PCGF3: variants seen among roughly 807,000 people sequenced by gnomAD.
PCGF3 encodes polycomb group RING finger protein 3.
In PCGF3, 7 loss-of-function variants were observed where a neutral mutation model predicts 33.1. The observed-to-expected ratio is 0.21, with a 90% CI of 0.12 to 0.40. PCGF3 has a LOEUF of 0.40. Ranked by LOEUF, PCGF3 falls within the 10% of genes least tolerant of loss-of-function variation. PCGF3 has a pLI of 1.00. For synonymous variants in PCGF3, 153 were observed against 121.3 expected, an observed-to-expected ratio of 1.26 and a Z score of -1.72; for missense variants, 211 against 313.3, an observed-to-expected ratio of 0.67 and a Z score of 2.46.
rs145662977 is a variant in PCGF3 at position 756,912 on chromosome 4, A to AT, written c.463-4365dup. The AT allele has an allele frequency of 2.2e-3, 330 of 152,362 alleles. 1 individual carries two copies. The highest frequency in any genetic ancestry group is 7.3e-3 in the African/African-American group (302 of 41,568). The allele number at this position is 152,362 out of a possible 1,614,324, so 9.4% of individuals were successfully genotyped here. On this transcript the variant is annotated intron_variant, in intron 8 of 10. Coordinates refer to ENST00000362003, the Ensembl canonical transcript of PCGF3. ...CTGTGAATTTACGGAAAATTATTGC[A>AT]TTATATACATAAAAGAGGTGTGTGT...
chr4:748,420 G>A (rs552289966), intron 8 of PCGF3, among the ~76,000 whole-genome samples: 6 of 152,204 alleles, frequency 3.9e-5, no homozygotes, highest in Admixed American at 2.0e-4. Context: ...GGCTGGTCTC[G>A]AACTTCTGGC....
chr4:709,861 C>T (rs1039481406), intron 1 of PCGF3, among the ~76,000 whole-genome samples: 8 of 152,240 alleles, frequency 5.3e-5, no homozygotes, highest in South Asian at 2.1e-4. Context: ...AGCTCTTACT[C>T]GCCCAGTGTA....
chr4:769,269 C>G (rs1745515900), exon 11 of PCGF3: 1 of 152,724 alleles, frequency 6.5e-6, no homozygotes, highest in African/African-American at 2.4e-5. Context: ...TGCTTGTTTT[C>G]TCTGAACAGC....
rs868639655 is a variant in PCGF3, at chr4:766,308, G to A, written c.*229G>A. On this transcript the variant is annotated 3_prime_UTR_variant, in exon 11 of 11. Coordinates refer to ENST00000362003, the Ensembl canonical transcript of PCGF3. Reference sequence around the variant, plus strand: ...CCCAGAGCCGATCGTCCTCTCCCCCGCCCCACCCCGTGCTTCAGCCTTGCA... The same window carrying A: ...CCCAGAGCCGATCGTCCTCTCCCCCACCCCACCCCGTGCTTCAGCCTTGCA... The A allele has an allele frequency of 3.3e-4, 158 of 479,672 alleles. 3 individuals are homozygous for A. Among genetic ancestry groups the A allele is most frequent in the South Asian group, 1.8e-3 (68 of 37,766 alleles). 29.7% of individuals were successfully genotyped at this position (479,672 alleles called of 1,614,324 possible).
intron 8 of PCGF3, among the ~76,000 whole-genome samples, chr4:751,938 C>T (rs903705406): frequency 1.1e-4 from 16 of 152,276 alleles, no homozygotes; most frequent in African/African-American, 3.9e-4. Context: ...AGGCACAGGC[C>T]TCCTGGGACT....
chr4:715,020 A>T (rs1168838624), intron 1 of PCGF3, among the ~76,000 whole-genome samples: 31 of 144,832 alleles, frequency 2.1e-4, no homozygotes, highest in South Asian at 6.7e-4. Context: ...GTAGACACTG[A>T]GTGTGAGAAC....
At chr4:742,413 C>T (rs915732605) in intron 6 of PCGF3, among the ~76,000 whole-genome samples, 96 of 152,332 alleles carry the variant, frequency 6.3e-4, no homozygotes, top group Non-Finnish European at 1.1e-3. Flanking sequence ...GGGAGGAAAT[C>T]GTGGATAAAA....
chr4:762,941 TGGGGTGG>T (rs1381494273), intron 9 of PCGF3: 11 of 151,644 alleles, frequency 7.3e-5, no homozygotes, highest in Admixed American at 7.2e-4. Context: ...CTGCTCGGTT[TGGGGTGG>T]GGGGTGGTGT....
chr4:723,054 T>C (rs1391016240), intron 1 of PCGF3, among the ~76,000 whole-genome samples: 2 of 124,384 alleles, frequency 1.6e-5, no homozygotes, highest in South Asian at 2.7e-4. Context: ...GTCATCGCCA[T>C]CCACGCCGGG....
chr4:722,730 CCACCCA>C (rs1170542827), intron 1 of PCGF3, among the ~76,000 whole-genome samples: 4,345 of 37,414 alleles, frequency 0.12, 1,462 homozygotes, highest in African/African-American at 0.22. Context: ...GCGTCATCGC[CCACCCA>C]CGCCGGGTCC....
At position 736,628 on chromosome 4, in the gene PCGF3, A is replaced by G. The variant is rs567066405; in HGVS notation, c.207-838A>G. On this transcript the variant is annotated intron_variant, in intron 5 of 10. Coordinates refer to ENST00000362003, the Ensembl canonical transcript of PCGF3. ...TCCGCAGGGACGGTGTCCCCTGAGC[A>G]CACAGGATGCAGGGAACCCGTGGTG... Among the ~76,000 whole-genome samples the G allele has an allele frequency of 8.5e-3, 533 of 62,738 alleles. 42 individuals are homozygous for G. The highest frequency in any genetic ancestry group is 0.021 in the African/African-American group (317 of 15,338). The allele number at this position is 62,738 out of a possible 152,430, so 41.2% of individuals were successfully genotyped here. A position where few individuals can be genotyped will look rare whatever the true frequency, so the allele number is the denominator to read the frequency against.
intron 1 of PCGF3, among the ~76,000 whole-genome samples, chr4:724,562 C>T (rs1461954126): frequency 2.6e-5 from 4 of 152,200 alleles, no homozygotes; most frequent in Non-Finnish European, 5.9e-5. Flanking sequence ...CACGGTGGCT[C>T]ACATCTGTAA....
chr4:719,511 A>G (rs1742989790), intron 1 of PCGF3, among the ~76,000 whole-genome samples: 1 of 152,132 alleles, frequency 6.6e-6, no homozygotes, highest in South Asian at 2.1e-4. Context: ...CCGCCCCCCC[A>G]GGTCCTGTGT....
exon 11 of PCGF3, chr4:768,817 A>C (rs959355142): frequency 2.0e-5 from 3 of 152,644 alleles, no homozygotes; most frequent in Non-Finnish European, 4.4e-5. Flanking sequence ...GATGTTTTGC[A>C]AGCTTCTTTT....
chr4:718,980 A>G (rs545428542), intron 1 of PCGF3, among the ~76,000 whole-genome samples: 1 of 151,578 alleles, frequency 6.6e-6, no homozygotes, highest in South Asian at 2.1e-4. Flanking sequence ...TTTGAGTTAG[A>G]GTCTTGTGCT....
chr4:734,640 C>T (rs1315390362), intron 4 of PCGF3: 2 of 1,261,170 alleles, frequency 1.6e-6, no homozygotes, highest in African/African-American at 1.5e-5. Context: ...TGATGACCCA[C>T]AGCTCTGTCA....
intron 7 of PCGF3, 58 bp downstream of exon 7, chr4:743,642 C>G: frequency 1.0e-6 from 1 of 995,014 alleles, no homozygotes; most frequent in Non-Finnish European, 1.6e-6. Flanking sequence ...GAGGCCTTTT[C>G]TTAAAGAGCT....
At position 721,214 on chromosome 4, in the gene PCGF3, T is replaced by A. The variant is rs1247477076; in HGVS notation, c.-189-9416T>A. Among the ~76,000 whole-genome samples the A allele has an allele frequency of 1.3e-5, 2 of 152,122 alleles. No individual in the cohort carries two copies. Among genetic ancestry groups the A allele is most frequent in the East Asian group, 3.9e-4 (2 of 5,190 alleles). On this transcript the variant is annotated intron_variant, in intron 1 of 10. Coordinates refer to ENST00000362003, the Ensembl canonical transcript of PCGF3. The surrounding 1 kb of genome is among the most constrained non-coding windows in gnomAD (Gnocchi z 4.1). ...GGCCCTGATTCTCATGGTTCCCCAG[T>A]GAGGCTGTTCCACGGTGGCACAGGA... is the stretch of plus-strand genomic sequence containing the variant.
At chr4:722,429 G>T (rs1743122964) in intron 1 of PCGF3, 2 of 254,836 alleles carry the variant, frequency 7.8e-6, no homozygotes, top group South Asian at 6.9e-5. Context: ...TGTTTTGGGG[G>T]TGTCTGAGCT....
Sources: allele counts gnomAD v4.1 joint callset (sites outside exome capture counted in the v4.1 genomes callset), GRCh38; gene constraint gnomAD v4.1.1; non-coding constraint Gnocchi (gnomAD v3.1); transcripts MANE v1.5; gene names NCBI Gene and HGNC (gene_info 2026-07-23, HGNC 2026-07-21).